ZNF107: variants seen among roughly 807,000 people sequenced by gnomAD.
ZNF107 encodes the protein C2H2 type zinc-finger protein.
Under a neutral mutation model 12.3 loss-of-function variants are expected in ZNF107, and 19 were observed. That is an observed-to-expected ratio of 1.55 (90% confidence interval 1.08 to 2.27). The LOEUF (loss-of-function observed/expected upper bound fraction) is 2.27. Among genes scored for constraint, ZNF107 ranks in the 30% most tolerant of loss-of-function variants. The pLI, the probability that ZNF107 is intolerant of heterozygous loss-of-function variation, is 0.00. For missense variants in ZNF107, 958 were observed against 979.9 expected, an observed-to-expected ratio of 0.98 and a Z score of 0.30; for synonymous variants, 317 against 330.5, an observed-to-expected ratio of 0.96 and a Z score of 0.44.
intron 1 of ZNF107, chr7:64,687,643 T>C: frequency 1.2e-6 from 1 of 847,084 alleles, no homozygotes; most frequent in Non-Finnish European, 1.4e-6. Flanking sequence ...TTAGCATATA[T>C]GGATGACCTC....
At chr7:64,695,777 C>T (rs919510468) in intron 3 of ZNF107, among the ~76,000 whole-genome samples, 5 of 152,030 alleles carry the variant, frequency 3.3e-5, no homozygotes, top group Admixed American at 6.5e-5. Flanking sequence ...GTGTGTTTAA[C>T]GATGAATTTA....
intron 3 of ZNF107, among the ~76,000 whole-genome samples, chr7:64,694,654 A>G (rs1284106741): frequency 6.6e-6 from 1 of 152,134 alleles, no homozygotes; most frequent in Non-Finnish European, 1.5e-5. Context: ...GGTGTGATAC[A>G]TGATGCCTGG....
chr7:64,669,101 C>T (rs1008531147), intron 1 of ZNF107: 16 of 142,284 alleles, frequency 1.1e-4, no homozygotes, highest in African/African-American at 3.7e-4. Context: ...CTGAAACCTC[C>T]GCCTTCCGGG....
At chr7:64,669,632 G>A (rs1009100667) in intron 1 of ZNF107, among the ~76,000 whole-genome samples, 3 of 151,696 alleles carry the variant, frequency 2.0e-5, no homozygotes, top group African/African-American at 7.3e-5. Flanking sequence ...CGTCTCTACT[G>A]AAAAATTAGC....
At chr7:64,669,787 C>CA (rs900074721) in intron 1 of ZNF107, among the ~76,000 whole-genome samples, 104 of 149,486 alleles carry the variant, frequency 7.0e-4, no homozygotes, top group African/African-American at 2.2e-3. Context: ...GACTCTGTCT[C>CA]AAAAAAAAAG....
In ZNF107 at chr7:64,710,448, T is replaced by C. The variant is rs975491228; in HGVS notation, c.*1792T>C. 1.3e-5 allele frequency: 2 copies of C among 152,208 alleles called. No homozygotes were observed. Among genetic ancestry groups the C allele is most frequent in the East Asian group, 3.8e-4 (2 of 5,206 alleles). 9.4% of individuals were successfully genotyped at this position (152,208 alleles called of 1,614,324 possible). A position where few individuals can be genotyped will look rare whatever the true frequency, so the allele number is the denominator to read the frequency against. ...ATCCAAAATTAAGTCTATATAAATA[T>C]CAGAGAATTCACAGTAGAAATATCT... is the stretch of plus-strand genomic sequence containing the variant. On this transcript the variant is annotated 3_prime_UTR_variant, in exon 4 of 4. Coordinates refer to ENST00000620827, the MANE Select transcript of ZNF107 (RefSeq NM_001282359.2).
chr7:64,701,749 A>G (rs1790483995), intron 3 of ZNF107, among the ~76,000 whole-genome samples: 1 of 152,016 alleles, frequency 6.6e-6, no homozygotes, highest in African/African-American at 2.4e-5. Context: ...CCTCTCAAGT[A>G]TCTCTACTAC....
chr7:64,709,751 A>T lies in ZNF107; in HGVS notation c.*1095A>T, dbSNP rs1463233935. 1 of 455,192 alleles carries T rather than the reference A, an allele frequency of 2.2e-6. No homozygotes were observed. Among genetic ancestry groups the T allele is most frequent in the Non-Finnish European group, 4.4e-6 (1 of 226,688 alleles). The allele number at this position is 455,192 out of a possible 1,614,324, so 28.2% of individuals were successfully genotyped here. On this transcript the variant is annotated 3_prime_UTR_variant, in exon 4 of 4. Coordinates refer to ENST00000620827, the MANE Select transcript of ZNF107 (RefSeq NM_001282359.2). ...ATTATCTGCTCAGATTTTACTCAAC[A>T]TTAGAGAGTTAGTACGTAATAAAAG...
At chr7:64,676,145 C>A (rs1472340511) in intron 1 of ZNF107, among the ~76,000 whole-genome samples, 7 of 152,180 alleles carry the variant, frequency 4.6e-5, no homozygotes, top group African/African-American at 1.4e-4. Context: ...AGCCACCATG[C>A]CCAGCCCAGG....
chr7:64,703,379 C>T (rs1790537406), intron 3 of ZNF107, among the ~76,000 whole-genome samples: 1 of 150,584 alleles, frequency 6.6e-6, no homozygotes, highest in African/African-American at 2.5e-5. Context: ...TCTAGGTGAG[C>T]AGTCATAAAA....
rs376161398 is a variant in ZNF107, at chr7:64,693,314, G to GTT, written c.226+1369_226+1370dup. Among the ~76,000 whole-genome samples the GTT allele has an allele frequency of 5.2e-4, 70 of 134,912 alleles. No homozygotes were observed. In the East Asian group the frequency reaches 8.7e-3, roughly 17 times the overall value. The allele number at this position is 134,912 out of a possible 152,430, so 88.5% of individuals were successfully genotyped here. On this transcript the variant is annotated intron_variant, in intron 3 of 3. Coordinates refer to ENST00000620827, the MANE Select transcript of ZNF107 (RefSeq NM_001282359.2). ...AGGCGTGAGCCACCACGCCTGGCCA[G>GTT]TTTTTTTTTTTTTTTTCTTAACTAA...
intron 3 of ZNF107, among the ~76,000 whole-genome samples, chr7:64,699,984 G>T (rs1271442616): frequency 1.4e-5 from 2 of 144,456 alleles, no homozygotes; most frequent in African/African-American, 5.1e-5. Context: ...AGAGAATGGT[G>T]TGAACTCAGG....
chr7:64,704,105 T>G (rs1347552392), intron 3 of ZNF107, among the ~76,000 whole-genome samples: 2 of 151,032 alleles, frequency 1.3e-5, no homozygotes, highest in South Asian at 4.2e-4. Context: ...TATATTTATA[T>G]GTTGTATATT....
intron 1 of ZNF107, among the ~76,000 whole-genome samples, chr7:64,690,849 C>G (rs1042115676): frequency 2.0e-5 from 3 of 152,080 alleles, no homozygotes; most frequent in Non-Finnish European, 4.4e-5. Flanking sequence ...TCCAGCAATT[C>G]TCCTGCCTTA....
At position 64,707,672 on chromosome 7, in the gene ZNF107, T is replaced by C; in HGVS notation, c.1575T>C (p.Thr525=). 6.2e-7 allele frequency: 1 copy of C among 1,612,826 alleles called. No individual in the cohort carries two copies. Among genetic ancestry groups the C allele is most frequent in the Non-Finnish European group, 8.5e-7 (1 of 1,179,642 alleles). The part of the protein sequence containing the change: ...DRAFSQSSNL[T]EHKKIHTGEK... The stretch of plus-strand genomic sequence containing the variant: ...CTTTTAGCCAGTCTTCAAACCTTAC[T>C]GAACATAAGAAAATTCATACTGGAG... The change falls in exon 4 of 4, where the codon ACT becomes ACC. Residue 525 remains threonine (T), a synonymous_variant. Coordinates refer to ENST00000620827, the MANE Select transcript of ZNF107 (RefSeq NM_001282359.2).
chr7:64,672,823 G>T (rs1410264065), intron 1 of ZNF107, among the ~76,000 whole-genome samples: 1 of 152,136 alleles, frequency 6.6e-6, no homozygotes, highest in Non-Finnish European at 1.5e-5. Context: ...AGGTGTCTGG[G>T]TCAAATGGTA....
chr7:64,706,712 A>G lies in ZNF107; in HGVS notation c.615A>G (p.Glu205=), dbSNP rs1371803673. The G allele has an allele frequency of 6.2e-7, 1 of 1,612,688 alleles. No individual in the cohort carries two copies. The highest frequency in any genetic ancestry group is 8.5e-7 in the Non-Finnish European group (1 of 1,179,478). The change falls in exon 4 of 4, where the codon GAA becomes GAG. Residue 205 remains glutamate, a synonymous_variant. Transcript: ENST00000620827. ...HTRVNSYKCE[E]CGKAFNWFST... Reference sequence around the variant, plus strand: ...GAGTGAATTCCTACAAATGTGAAGAATGTGGAAAAGCCTTTAACTGGTTCT... The same window carrying G: ...GAGTGAATTCCTACAAATGTGAAGAGTGTGGAAAAGCCTTTAACTGGTTCT...
intron 3 of ZNF107, among the ~76,000 whole-genome samples, chr7:64,693,787 T>C (rs1322591793): frequency 6.6e-6 from 1 of 151,912 alleles, no homozygotes; most frequent in Admixed American, 6.6e-5. Context: ...ACTGTGTGGG[T>C]TTTTTGTTTG....
intron 3 of ZNF107, among the ~76,000 whole-genome samples, chr7:64,699,177 C>A (rs961623511): frequency 2.0e-5 from 3 of 151,748 alleles, no homozygotes; most frequent in Non-Finnish European, 4.4e-5. Context: ...AATAATATTT[C>A]TGTAAAAAAT....
Sources: gnomAD v4.1 joint callset for allele counts (sites outside exome capture counted in the v4.1 genomes callset) on GRCh38, gnomAD v4.1.1 for gene constraint, MANE v1.5 for transcripts, NCBI Gene and HGNC (gene_info 2026-07-23, HGNC 2026-07-21) for gene names.